Variants in TGFA observed in about 807,000 individuals in gnomAD.
The protein encoded by TGFA is transforming growth factor alpha, also known as protransforming growth factor alpha.
TGFA carries 12 observed loss-of-function variants against 21.7 expected under a neutral mutation model. The ratio of observed to expected loss-of-function variants is 0.55; its 90% CI spans 0.35 to 0.90. The LOEUF is 0.90. Ranked by LOEUF, TGFA falls within the 40% of genes least tolerant of loss-of-function variation. The pLI is 0.01. For synonymous variants in TGFA, 79 were observed against 88.1 expected (o/e 0.90, Z 0.58); for missense variants, 178 against 210.8 (o/e 0.84, Z 0.96).
chr2:70,501,009 G>A (rs1306816853), intron 2 of TGFA, among the ~76,000 whole-genome samples: 2 of 150,796 alleles, frequency 1.3e-5, no homozygotes, highest in Admixed American at 1.3e-4. Flanking sequence ...ATGTTATGGA[G>A]CTCTTTCTCT....
At chr2:70,506,650 G>A (rs1410308492) in intron 2 of TGFA, among the ~76,000 whole-genome samples, 1 of 152,228 alleles carries the variant, frequency 6.6e-6, no homozygotes, top group South Asian at 2.1e-4. Flanking sequence ...TAGCTGCCGT[G>A]TATACAAACA....
chr2:70,456,547 C>T (rs1164984743), intron 3 of TGFA, 59 bp from the exon 4 acceptor site: 24 of 1,532,430 alleles, frequency 1.6e-5, no homozygotes, highest in Middle Eastern at 3.6e-4. Flanking sequence ...TACCCTAGCT[C>T]TCCAGGGAGG....
chr2:70,479,984 A>G (rs889201209), intron 2 of TGFA, among the ~76,000 whole-genome samples: 4 of 152,240 alleles, frequency 2.6e-5, no homozygotes, highest in Middle Eastern at 6.3e-3. Flanking sequence ...CTTTACAGAG[A>G]AAGATCTGCT....
At chr2:70,517,602 CTG>C (rs1553501749) in intron 1 of TGFA, among the ~76,000 whole-genome samples, 1 of 152,234 alleles carries the variant, frequency 6.6e-6, no homozygotes, top group East Asian at 1.9e-4. Context: ...GATGAAGAAA[CTG>C]AGGCTTAGAG....
At chr2:70,494,241 A>G (rs748290063) in intron 2 of TGFA, among the ~76,000 whole-genome samples, 1 of 152,184 alleles carries the variant, frequency 6.6e-6, no homozygotes, top group Non-Finnish European at 1.5e-5. Context: ...CCACTCAGAT[A>G]ATCCAAGATA....
chr2:70,500,151 A>G lies in TGFA; in HGVS notation c.94+14708T>C, dbSNP rs556835799. The stretch of plus-strand genomic sequence containing the variant: ...GAACTAGCCATGTGTCAAGCACTCC[A>G]CAGCTGCATGTGGCTGCCATATTGG... On this transcript the variant is annotated intron_variant, in intron 2 of 5. Transcript: ENST00000295400. Among the ~76,000 whole-genome samples the G allele has an allele frequency of 7.2e-5, 11 of 152,288 alleles. 1 individual carries two copies. Among genetic ancestry groups the G allele is most frequent in the Admixed American group, 2.6e-4 (4 of 15,292 alleles).
At chr2:70,481,731 C>T (rs902737746) in intron 2 of TGFA, among the ~76,000 whole-genome samples, 3 of 152,258 alleles carry the variant, frequency 2.0e-5, no homozygotes, top group Non-Finnish European at 4.4e-5. Flanking sequence ...TTGTCTCTCT[C>T]TCTTGGATTG....
intron 2 of TGFA, among the ~76,000 whole-genome samples, chr2:70,500,855 C>A (rs1671717673): frequency 6.6e-6 from 1 of 152,104 alleles, no homozygotes; most frequent in South Asian, 2.1e-4. Flanking sequence ...TCTCCCATTC[C>A]ATAGGTTGTC....
At chr2:70,553,638 C>T (rs1475335905) in intron 1 of TGFA, 90 bp downstream of exon 1, 6 of 1,305,434 alleles carry the variant, frequency 4.6e-6, no homozygotes, top group Non-Finnish European at 4.9e-6. Flanking sequence ...CCCAGGCGGG[C>T]GCAGAAACCC....
chr2:70,482,164 G>T (rs1012367563), intron 2 of TGFA, among the ~76,000 whole-genome samples: 1 of 151,460 alleles, frequency 6.6e-6, no homozygotes, highest in African/African-American at 2.4e-5. Context: ...GAGTAATGGG[G>T]ACAACAACAA....
At chr2:70,552,031 A>G (rs1025940962) in intron 1 of TGFA, among the ~76,000 whole-genome samples, 1 of 152,218 alleles carries the variant, frequency 6.6e-6, no homozygotes, top group Non-Finnish European at 1.5e-5. Flanking sequence ...AGGAAACTCA[A>G]TTTAACAACA....
intron 1 of TGFA, among the ~76,000 whole-genome samples, chr2:70,524,646 G>A (rs1553502750): frequency 6.6e-6 from 1 of 152,242 alleles, no homozygotes; most frequent in African/African-American, 2.4e-5. Context: ...TGTGACACGA[G>A]GCCTTGAGGT....
intron 2 of TGFA, among the ~76,000 whole-genome samples, chr2:70,470,238 T>C (rs1244594755): frequency 2.0e-5 from 3 of 148,338 alleles, no homozygotes; most frequent in African/African-American, 2.5e-5. Flanking sequence ...GAAGGAGAGA[T>C]TGGGACAAAG....
chr2:70,464,515 T>C (rs1402104423), intron 3 of TGFA, among the ~76,000 whole-genome samples: 2 of 152,146 alleles, frequency 1.3e-5, no homozygotes, highest in Non-Finnish European at 2.9e-5. Flanking sequence ...TATTTTTGAT[T>C]GGCACGGCCA....
chr2:70,541,599 C>CA (rs1553505201), intron 1 of TGFA, among the ~76,000 whole-genome samples: 6 of 152,112 alleles, frequency 3.9e-5, no homozygotes. Flanking sequence ...AGAGCTCACA[C>CA]AGGGAGATGG....
At chr2:70,476,508 A>G (rs1670938964) in intron 2 of TGFA, among the ~76,000 whole-genome samples, 1 of 152,126 alleles carries the variant, frequency 6.6e-6, no homozygotes, top group African/African-American at 2.4e-5. Context: ...ATAAATATCA[A>G]AATTGTTAGG....
At chr2:70,472,394 G>C (rs1185387827) in intron 2 of TGFA, among the ~76,000 whole-genome samples, 1 of 152,162 alleles carries the variant, frequency 6.6e-6, no homozygotes, top group Non-Finnish European at 1.5e-5. Flanking sequence ...AAATTTATGA[G>C]AGGCCCCTCC....
intron 1 of TGFA, among the ~76,000 whole-genome samples, chr2:70,515,892 G>A (rs963337113): frequency 2.6e-5 from 4 of 152,124 alleles, no homozygotes; most frequent in Non-Finnish European, 2.9e-5. Context: ...CCTACAAGAC[G>A]CAAATTTAAA....
intron 1 of TGFA, among the ~76,000 whole-genome samples, chr2:70,529,594 C>T (rs551433046): frequency 1.5e-5 from 2 of 134,300 alleles, no homozygotes; most frequent in East Asian, 1.9e-4. Context: ...TGAATCCCCC[C>T]GCCCCAGTCC....
Sources: gnomAD v4.1 joint callset for allele counts (sites outside exome capture counted in the v4.1 genomes callset) on GRCh38, gnomAD v4.1.1 for gene constraint, MANE v1.5 for transcripts, NCBI Gene and HGNC (gene_info 2026-07-23, HGNC 2026-07-21) for gene names.